The following LHPP variants were observed in gnomAD, a reference collection of about 807,000 sequenced individuals.
LHPP encodes hLHPP.
A neutral mutation model predicts 30.3 loss-of-function variants in LHPP; 24 were observed. The ratio of observed to expected loss-of-function variants is 0.79; its 90% CI spans 0.57 to 1.11. The LOEUF is 1.11. Among genes scored for constraint, LHPP ranks in the 50% most tolerant of loss-of-function variants. The pLI, the probability that LHPP is intolerant of heterozygous loss-of-function variation, is 0.00. For synonymous variants in LHPP, 150 were observed against 157.1 expected (o/e 0.95, Z 0.34); for missense variants, 356 against 367.2 (o/e 0.97, Z 0.25).
At chr10:124,484,403 CTT>C in intron 2 of LHPP, 77 bp downstream of exon 2, 4 of 1,404,346 alleles carry the variant, frequency 2.8e-6, no homozygotes, top group East Asian at 4.6e-5. Context: ...CAGAGAGCCT[CTT>C]TCACTGGGCC....
At chr10:124,556,007 G>A (rs913350212) in intron 6 of LHPP, among the ~76,000 whole-genome samples, 5 of 151,760 alleles carry the variant, frequency 3.3e-5, no homozygotes, top group African/African-American at 1.2e-4. Context: ...TATTTATTTG[G>A]TGCTTACATG....
intron 1 of LHPP, among the ~76,000 whole-genome samples, chr10:124,477,408 C>CAG (rs1451921256): frequency 2.0e-5 from 3 of 152,186 alleles, no homozygotes; most frequent in African/African-American, 4.8e-5. Context: ...CAGGTGATGT[C>CAG]TGCAATGTGG....
intron 6 of LHPP, among the ~76,000 whole-genome samples, chr10:124,597,509 A>G (rs1224909835): frequency 6.6e-6 from 1 of 152,230 alleles, no homozygotes; most frequent in Non-Finnish European, 1.5e-5. Context: ...TGGAGATGAC[A>G]CTAGGCTCTA....
At chr10:124,548,358 G>T (rs191941404) in intron 6 of LHPP, among the ~76,000 whole-genome samples, 279 of 152,298 alleles carry the variant, frequency 1.8e-3, no homozygotes, top group African/African-American at 5.6e-3. Flanking sequence ...GGAACCCCCT[G>T]CCCAGAGCTC....
chr10:124,545,762 C>T (rs369183943), intron 6 of LHPP, among the ~76,000 whole-genome samples: 109 of 152,206 alleles, frequency 7.2e-4, no homozygotes, highest in African/African-American at 2.5e-3. Flanking sequence ...TAATCTTTCC[C>T]AAAATCAATA....
intron 1 of LHPP, among the ~76,000 whole-genome samples, chr10:124,470,172 G>A (rs886927407): frequency 6.6e-6 from 1 of 152,202 alleles, no homozygotes; most frequent in Admixed American, 6.5e-5. Context: ...CCAGCACAGC[G>A]AGGGGTGCAG....
intron 6 of LHPP, among the ~76,000 whole-genome samples, chr10:124,550,457 C>T (rs920817848): frequency 2.0e-5 from 3 of 152,120 alleles, no homozygotes; most frequent in Non-Finnish European, 4.4e-5. Flanking sequence ...AAAGTGAGTG[C>T]GCCTGCTTTT....
At chr10:124,562,695 G>T (rs975312500) in intron 6 of LHPP, among the ~76,000 whole-genome samples, 7 of 152,210 alleles carry the variant, frequency 4.6e-5, no homozygotes, top group African/African-American at 1.7e-4. Context: ...ATTTTGGAAG[G>T]CTAAGGTGGG....
chr10:124,483,077 C>T (rs530472917), intron 1 of LHPP, among the ~76,000 whole-genome samples: 3 of 152,046 alleles, frequency 2.0e-5, no homozygotes, highest in South Asian at 2.1e-4. Flanking sequence ...AGCCTGGATT[C>T]GCGGGTCTCC....
At position 124,478,778 on chromosome 10, in the gene LHPP, G is replaced by A. The variant is rs896260876; in HGVS notation, c.126-5361G>A. ...CAAAGATCCAGTTTGGGCCAGGCGC[G>A]GTGGCTCAGGCCGGGTGCCATGGCT... On this transcript the variant is annotated intron_variant, in intron 1 of 6. Transcript: ENST00000368842. The surrounding 1 kb of genome is among the most constrained non-coding windows in gnomAD (Gnocchi z 4.7). Among the ~76,000 whole-genome samples the A allele has an allele frequency of 5.3e-5, 8 of 152,176 alleles. No homozygotes were observed. Among genetic ancestry groups the A allele is most frequent in the South Asian group, 2.1e-4 (1 of 4,832 alleles).
rs778114381 is a variant in LHPP, at chr10:124,580,709, C to CT, written c.717-32544dup. On this transcript the variant is annotated intron_variant, in intron 6 of 6. Transcript: ENST00000368842. ...CTATCAGTCAATTTTAGAACATTTTCTTTTTTTTTTTCTTTTTTTTTTTTT... is the reference window on the plus strand; with the variant it reads ...CTATCAGTCAATTTTAGAACATTTTCTTTTTTTTTTTTCTTTTTTTTTTTTT... 1.0e-3 allele frequency among the ~76,000 whole-genome samples: 115 copies of CT among 109,634 alleles called. 1 individual carries two copies. Among genetic ancestry groups the CT allele is most frequent in the Admixed American group, 9.0e-4 (10 of 11,092 alleles). 71.9% of individuals were successfully genotyped at this position (109,634 alleles called of 152,430 possible).
At chr10:124,567,125 G>C (rs763031372) in intron 6 of LHPP, among the ~76,000 whole-genome samples, 1 of 152,232 alleles carries the variant, frequency 6.6e-6, no homozygotes, top group Non-Finnish European at 1.5e-5. Context: ...GCTCAGAGAC[G>C]GGCTCTTGCC....
At chr10:124,528,903 G>A (rs929774913) in intron 6 of LHPP, among the ~76,000 whole-genome samples, 1 of 152,128 alleles carries the variant, frequency 6.6e-6, no homozygotes, top group African/African-American at 2.4e-5. Context: ...CCAGCGTCAG[G>A]GATCTCTGCT....
chr10:124,559,644 G>T (rs1262029721), intron 6 of LHPP, among the ~76,000 whole-genome samples: 1 of 152,282 alleles, frequency 6.6e-6, no homozygotes, highest in African/African-American at 2.4e-5. Flanking sequence ...GCTGGAAGCC[G>T]TCTTGCTGCG....
chr10:124,535,991 T>C (rs1400433413), intron 6 of LHPP, among the ~76,000 whole-genome samples: 2 of 152,244 alleles, frequency 1.3e-5, no homozygotes, highest in African/African-American at 2.4e-5. Flanking sequence ...CCAGGCAGGA[T>C]TCCCCTGGGC....
intron 6 of LHPP, among the ~76,000 whole-genome samples, chr10:124,574,999 C>G (rs1301860088): frequency 6.6e-6 from 1 of 152,198 alleles, no homozygotes; most frequent in Non-Finnish European, 1.5e-5. Context: ...CCATCAGTAG[C>G]CATGCAACCT....
rs1948947106 is a variant in LHPP at position 124,596,689 on chromosome 10, T to A, written c.717-16575T>A. 6.6e-6 allele frequency among the ~76,000 whole-genome samples: 1 copy of A among 152,170 alleles called. No homozygotes were observed. Among genetic ancestry groups the A allele is most frequent in the African/African-American group, 2.4e-5 (1 of 41,448 alleles). ...CTGGCCTATGAGCAGGGGGACACCA[T>A]GAAGCTGGGTGGACGGGTGGGGAGG... On this transcript the variant is annotated intron_variant, in intron 6 of 6. Transcript: ENST00000368842. The surrounding 1 kb of genome is among the most constrained non-coding windows in gnomAD (Gnocchi z 4.6).
At chr10:124,501,565 G>A (rs948986281) in intron 5 of LHPP, among the ~76,000 whole-genome samples, 7 of 146,990 alleles carry the variant, frequency 4.8e-5, no homozygotes, top group African/African-American at 1.8e-4. Context: ...TCGTGCAACT[G>A]TGCTCCAGCC....
intron 2 of LHPP, among the ~76,000 whole-genome samples, chr10:124,487,433 T>C (rs1953367710): frequency 2.0e-5 from 2 of 98,112 alleles, no homozygotes; most frequent in South Asian, 6.6e-4. Flanking sequence ...TATTTCAGTT[T>C]CTTTCTTTCT....
Sources: allele counts gnomAD v4.1 joint callset (sites outside exome capture counted in the v4.1 genomes callset), GRCh38; gene constraint gnomAD v4.1.1; non-coding constraint Gnocchi (gnomAD v3.1); transcripts MANE v1.5; gene names NCBI Gene and HGNC (gene_info 2026-07-23, HGNC 2026-07-21).